ASAP3: variants seen among roughly 807,000 people sequenced by gnomAD.
ASAP3 encodes the protein ArfGAP with SH3 domain, ankyrin repeat and PH domain 3.
In ASAP3, 85 loss-of-function variants were observed where a neutral mutation model predicts 118.2. The observed-to-expected ratio is 0.72, with a 90% confidence interval of 0.60 to 0.86. The LOEUF (loss-of-function observed/expected upper bound fraction) is 0.86. ASAP3 is among the 40% of genes least tolerant of loss of function. The pLI is 0.00. For synonymous variants in ASAP3, 432 were observed against 477.4 expected (o/e 0.90, Z 1.24); for missense variants, 1,026 against 1,175.0 (o/e 0.87, Z 1.85).
chr1:23,439,969 C>T (rs1364067430), intron 10 of ASAP3, among the ~76,000 whole-genome samples: 1 of 151,972 alleles, frequency 6.6e-6, no homozygotes, highest in Non-Finnish European at 1.5e-5. Context: ...CTCACGCCAC[C>T]ATACCCAGCT....
At chr1:23,471,464 C>T (rs895910109) in intron 1 of ASAP3, among the ~76,000 whole-genome samples, 13 of 152,190 alleles carry the variant, frequency 8.5e-5, no homozygotes, top group Admixed American at 2.6e-4. Flanking sequence ...ATCTGCAGCA[C>T]TCAACACAAA....
In ASAP3 at chr1:23,433,093, T is replaced by C; in HGVS notation, c.2307A>G (p.Ala769=). 6.2e-7 allele frequency: 1 copy of C among 1,614,018 alleles called. No individual in the cohort carries two copies. The highest frequency in any genetic ancestry group is 2.2e-5 in the East Asian group (1 of 44,888). The part of the protein sequence containing the change: ...NSSRTLVQGC[A]RHASGDRSEV... ...CAACTGTACCTCCACTGGCATGTCT[T>C]GCACACCCTTGGACCAAAGTCCGAG... The change falls in exon 22 of 25, where the codon GCA becomes GCG. Residue 769 remains alanine, a synonymous_variant. Coordinates refer to ENST00000336689, the MANE Select transcript of ASAP3 (RefSeq NM_017707.4).
At chr1:23,455,195 G>C (rs1463834318) in intron 3 of ASAP3, among the ~76,000 whole-genome samples, 1 of 152,206 alleles carries the variant, frequency 6.6e-6, no homozygotes, top group Non-Finnish European at 1.5e-5. Flanking sequence ...AGCCTGTAAG[G>C]TGGAGACAAC....
chr1:23,439,549 A>G (rs556315461), intron 10 of ASAP3, among the ~76,000 whole-genome samples: 2 of 152,288 alleles, frequency 1.3e-5, no homozygotes, highest in African/African-American at 4.8e-5. Flanking sequence ...GACATAGCTT[A>G]TATCATTAGG....
At chr1:23,478,380 G>A (rs535710237) in intron 1 of ASAP3, among the ~76,000 whole-genome samples, 7 of 152,226 alleles carry the variant, frequency 4.6e-5, no homozygotes, top group Admixed American at 6.5e-5. Context: ...CAGGAGAATC[G>A]CTTGAACCTG....
intron 5 of ASAP3, among the ~76,000 whole-genome samples, chr1:23,449,392 C>T (rs1444536092): frequency 3.9e-5 from 6 of 152,260 alleles, no homozygotes; most frequent in South Asian, 4.2e-4. Context: ...GTACAGGGCC[C>T]GGGATGCCTT....
intron 5 of ASAP3, among the ~76,000 whole-genome samples, chr1:23,443,385 T>C (rs1214566016): frequency 3.3e-5 from 5 of 152,190 alleles, no homozygotes; most frequent in Admixed American, 6.5e-5. Flanking sequence ...CAATGTCTAC[T>C]ATTCTGCTCT....
In ASAP3 at chr1:23,441,126, C is replaced by A. The variant is rs1640857200; in HGVS notation, c.920G>T (p.Gly307Val). 1 of 1,614,026 alleles carries A rather than the reference C, an allele frequency of 6.2e-7. No individual in the cohort carries two copies. The change falls in exon 10 of 25, where the codon GGC becomes GTC. Residue 307 changes from glycine (G) to valine (V), a missense_variant. Coordinates refer to ENST00000336689, the MANE Select transcript of ASAP3 (RefSeq NM_017707.4). ...CCCGTCACTTTTCTTGTATAGAAAG[C>A]CCACTTTCTCCGTCCCAAACTGCTT... ...GNKQFGTEKV[G>V]FLYKKSDGIR...
At chr1:23,475,265 G>A (rs1428175445) in intron 1 of ASAP3, among the ~76,000 whole-genome samples, 1 of 152,166 alleles carries the variant, frequency 6.6e-6, no homozygotes, top group Non-Finnish European at 1.5e-5. Flanking sequence ...CTAGTGTTCA[G>A]GGAACAGTGA....
In ASAP3 at chr1:23,438,265, C is replaced by T. The variant is rs1487139242; in HGVS notation, c.1102+482G>A. Among the ~76,000 whole-genome samples the T allele has an allele frequency of 6.6e-6, 1 of 152,162 alleles. No individual in the cohort carries two copies. Among genetic ancestry groups the T allele is most frequent in the Non-Finnish European group, 1.5e-5 (1 of 68,034 alleles). ...ATATCTGCACCCATCTTCTGGACAGCCCCCTCATCTTACAGTCCTGGGTAC... is the reference window on the plus strand; with the variant it reads ...ATATCTGCACCCATCTTCTGGACAGTCCCCTCATCTTACAGTCCTGGGTAC... On this transcript the variant is annotated intron_variant, in intron 12 of 24. Coordinates refer to ENST00000336689, the MANE Select transcript of ASAP3 (RefSeq NM_017707.4). This position sits in a 1 kb window ranked among gnomAD's most constrained non-coding sequence, Gnocchi z 4.9.
intron 5 of ASAP3, among the ~76,000 whole-genome samples, chr1:23,446,145 T>C (rs1047698478): frequency 1.3e-5 from 2 of 152,166 alleles, no homozygotes; most frequent in African/African-American, 4.8e-5. Flanking sequence ...TAATGAGGGA[T>C]GACTGTACTG....
Position 23,438,643 on chromosome 1 carries a change from G to A in ASAP3, c.1102+104C>T. On this transcript the variant is annotated intron_variant, in intron 12 of 24. Coordinates refer to ENST00000336689, the MANE Select transcript of ASAP3 (RefSeq NM_017707.4). The surrounding 1 kb of genome is among the most constrained non-coding windows in gnomAD (Gnocchi z 4.9). ...GTAGCAGCAATTCGACACCATGTGTGGAACTGGACACAGACCCCTCACTGA... is the reference window on the plus strand; with the variant it reads ...GTAGCAGCAATTCGACACCATGTGTAGAACTGGACACAGACCCCTCACTGA... 2.1e-6 allele frequency: 2 copies of A among 943,572 alleles called. No homozygotes were observed. The highest frequency in any genetic ancestry group is 3.3e-6 in the Non-Finnish European group (2 of 602,804). The allele number at this position is 943,572 out of a possible 1,614,324, so 58.4% of individuals were successfully genotyped here.
intron 2 of ASAP3, 21 bp from the exon 3 acceptor site, chr1:23,456,047 G>C: frequency 6.2e-7 from 1 of 1,614,138 alleles, no homozygotes; most frequent in Non-Finnish European, 8.5e-7. Flanking sequence ...ACAGACGGGA[G>C]CTTGGAGTTA....
At chr1:23,442,292 G>A (rs906904201) in intron 6 of ASAP3, 21 bp from the exon 7 acceptor site, 1 of 1,593,326 alleles carries the variant, frequency 6.3e-7, no homozygotes, top group Non-Finnish European at 8.5e-7. Context: ...GGCAGGGCAA[G>A]ATACGTGATG....
Position 23,438,479 on chromosome 1 carries a change from A to T in ASAP3, c.1102+268T>A, listed in dbSNP as rs1640753382. On this transcript the variant is annotated intron_variant, in intron 12 of 24. Transcript: ENST00000336689. The surrounding 1 kb of genome is among the most constrained non-coding windows in gnomAD (Gnocchi z 4.9). ...AAAAAAGGTAAAATTTTAAAAAAAG[A>T]AATAATTTCAAAACCCAGATGACCC... Among the ~76,000 whole-genome samples, 1 of 152,260 alleles carries T rather than the reference A, an allele frequency of 6.6e-6. No homozygotes were observed. The highest frequency in any genetic ancestry group is 1.5e-5 in the Non-Finnish European group (1 of 68,048).
intron 5 of ASAP3, among the ~76,000 whole-genome samples, chr1:23,451,049 C>T (rs1641198164): frequency 6.6e-6 from 1 of 152,228 alleles, no homozygotes; most frequent in Non-Finnish European, 1.5e-5. Flanking sequence ...GCATAAACCC[C>T]AGTTCTGCCT....
chr1:23,456,284 C>T (rs1476695202), intron 1 of ASAP3, 90 bp from the exon 2 acceptor site: 6 of 1,215,218 alleles, frequency 4.9e-6, no homozygotes, highest in South Asian at 4.0e-5. Context: ...TTCCACCCCC[C>T]AACCGCCCTC....
intron 5 of ASAP3, among the ~76,000 whole-genome samples, chr1:23,443,367 G>A (rs61082758): frequency 0.016 from 2,391 of 152,160 alleles, 70 homozygotes; most frequent in African/African-American, 0.054. Context: ...CCCACCTTTT[G>A]AAGTCTCCAA....
At chr1:23,483,792 C>A (rs1570429817) in intron 1 of ASAP3, among the ~76,000 whole-genome samples, 1 of 152,214 alleles carries the variant, frequency 6.6e-6, no homozygotes, top group South Asian at 2.1e-4. Flanking sequence ...ATCGAAGAGA[C>A]CTCGAGGCCC....
Sources: gnomAD v4.1 joint callset for allele counts (sites outside exome capture counted in the v4.1 genomes callset) on GRCh38, gnomAD v4.1.1 for gene constraint, Gnocchi (gnomAD v3.1) non-coding constraint, MANE v1.5 for transcripts, NCBI Gene and HGNC (gene_info 2026-07-23, HGNC 2026-07-21) for gene names.